The following PRDM1 variants were observed in gnomAD, a reference collection of about 807,000 sequenced individuals.
PRDM1 encodes PR/SET domain 1.
PRDM1 carries 13 observed loss-of-function variants against 62.8 expected under a neutral mutation model. The observed-to-expected ratio is 0.21, with a 90% CI of 0.13 to 0.33. The LOEUF (loss-of-function observed/expected upper bound fraction) is 0.33. PRDM1 is among the 10% of genes least tolerant of loss of function. The probability of loss-of-function intolerance (pLI) is 1.00; values close to 1 mark genes in which losing one functional copy is unlikely to be tolerated. For missense variants in PRDM1, 895 were observed against 1,058.8 expected (o/e 0.85, Z 2.15); for synonymous variants, 396 against 417.6 (o/e 0.95, Z 0.63).
intron 1 of PRDM1, among the ~76,000 whole-genome samples, chr6:106,067,124 A>G (rs1470204258): frequency 4.6e-5 from 7 of 152,220 alleles, no homozygotes; most frequent in Non-Finnish European, 1.0e-4. Flanking sequence ...CTCAGAGCCA[A>G]TTCTCTTCAC....
At chr6:106,022,292 A>G (rs951015564) in intron 1 of PRDM1, among the ~76,000 whole-genome samples, 2 of 152,154 alleles carry the variant, frequency 1.3e-5, no homozygotes, top group Non-Finnish European at 2.9e-5. Context: ...TTGCTTTGCC[A>G]CCTAGGCTGG....
chr6:106,056,255 C>G (rs1409149296), intron 1 of PRDM1, among the ~76,000 whole-genome samples: 2 of 152,002 alleles, frequency 1.3e-5, no homozygotes, highest in Non-Finnish European at 1.5e-5. Flanking sequence ...CCCTCAGCAG[C>G]GAAATGGGAG....
chr6:106,105,959 A>C, intron 5 of PRDM1, 26 bp downstream of exon 5: 1 of 1,589,820 alleles, frequency 6.3e-7, no homozygotes, highest in Non-Finnish European at 8.6e-7. Flanking sequence ...GAGCAGTCCA[A>C]GGGGCTGTGA....
intron 1 of PRDM1, among the ~76,000 whole-genome samples, chr6:106,000,346 G>A (rs1422631623): frequency 6.6e-6 from 1 of 152,178 alleles, no homozygotes; most frequent in African/African-American, 2.4e-5. Flanking sequence ...TGAGGCAGAG[G>A]CTGAGGTAGG....
chr6:106,080,523 T>C (rs531325563), intron 1 of PRDM1, among the ~76,000 whole-genome samples: 14 of 152,292 alleles, frequency 9.2e-5, no homozygotes. Context: ...GAAAAGATCC[T>C]GTAGGAAGTA....
chr6:106,095,308 G>A (rs1472986128), intron 2 of PRDM1, among the ~76,000 whole-genome samples: 1 of 152,120 alleles, frequency 6.6e-6, no homozygotes, highest in Non-Finnish European at 1.5e-5. Context: ...AAAAGAGAAT[G>A]GTTATATTCG....
chr6:106,029,146 C>G (rs1001453326), intron 1 of PRDM1, among the ~76,000 whole-genome samples: 1 of 152,166 alleles, frequency 6.6e-6, no homozygotes, highest in Non-Finnish European at 1.5e-5. Context: ...GTCTCAATCT[C>G]TTGACCTTGT....
chr6:106,087,428 T>C (rs986201174), intron 1 of PRDM1, among the ~76,000 whole-genome samples: 2 of 152,176 alleles, frequency 1.3e-5, no homozygotes, highest in African/African-American at 4.8e-5. Context: ...CGGTTTTATG[T>C]TTTGTTTTTG....
intron 1 of PRDM1, among the ~76,000 whole-genome samples, chr6:106,033,510 C>A (rs1277183224): frequency 6.6e-6 from 1 of 151,988 alleles, no homozygotes; most frequent in African/African-American, 2.4e-5. Flanking sequence ...GAGATGAGAT[C>A]TTGGTCTGTT....
At position 106,086,447 on chromosome 6, in the gene PRDM1, C is replaced by G. The variant is rs1773807581; in HGVS notation, c.-107C>G. On this transcript the variant is annotated 5_prime_UTR_variant, in exon 1 of 7. Coordinates refer to ENST00000369096, the MANE Select transcript of PRDM1 (RefSeq NM_001198.4). ...GCTGGGACGCGGGCGCCCGGGCGGC[C>G]GGACGAAGCGAGGAGGGACCGCCGA... The G allele has an allele frequency of 1.7e-6, 2 of 1,155,878 alleles. No individual in the cohort carries two copies. Among genetic ancestry groups the G allele is most frequent in the Admixed American group, 2.7e-5 (1 of 37,594 alleles). 71.6% of individuals were successfully genotyped at this position (1,155,878 alleles called of 1,614,324 possible). A position where few individuals can be genotyped will look rare whatever the true frequency, so the allele number is the denominator to read the frequency against.
chr6:106,048,724 G>A (rs558162278), intron 1 of PRDM1, among the ~76,000 whole-genome samples: 1 of 152,200 alleles, frequency 6.6e-6, no homozygotes, highest in South Asian at 2.1e-4. Flanking sequence ...GGTAGGGGAA[G>A]GCTTTTCTCT....
chr6:106,012,113 TCATACACACACACACAAACATAA>T (rs1772559415), intron 1 of PRDM1, among the ~76,000 whole-genome samples: 1 of 78,726 alleles, frequency 1.3e-5, no homozygotes, highest in Non-Finnish European at 2.4e-5. Flanking sequence ...CCCTCCACAT[TCATACACACACACACAAACATAA>T]CACACACACC....
chr6:106,043,749 G>C (rs192821411), upstream of PRDM1, among the ~76,000 whole-genome samples: 4 of 152,168 alleles, frequency 2.6e-5, no homozygotes, highest in South Asian at 8.3e-4. Flanking sequence ...GGTCAAGCTG[G>C]TCTCGAACTC....
At chr6:106,069,584 G>C (rs1329021936) in intron 1 of PRDM1, among the ~76,000 whole-genome samples, 3 of 152,206 alleles carry the variant, frequency 2.0e-5, no homozygotes, top group African/African-American at 7.2e-5. Flanking sequence ...ACTCTTCTAT[G>C]GTTTGGCAGC....
intron 1 of PRDM1, among the ~76,000 whole-genome samples, chr6:106,021,995 A>G (rs544055325): frequency 6.6e-6 from 1 of 152,212 alleles, no homozygotes; most frequent in Non-Finnish European, 1.5e-5. Flanking sequence ...AGAGAAAGTC[A>G]TTTTATGCTT....
upstream of PRDM1, among the ~76,000 whole-genome samples, chr6:106,082,520 T>C (rs1773709464): frequency 6.6e-6 from 1 of 152,218 alleles, no homozygotes; most frequent in South Asian, 2.1e-4. Context: ...ACTGTCTTTC[T>C]GAAGGGAGGG....
rs575902221 is a variant in PRDM1 at position 106,088,161 on chromosome 6, C to T, written c.43-40C>T. On this transcript the variant is annotated intron_variant, in intron 1 of 6. Transcript: ENST00000369096. Reference sequence around the variant, plus strand: ...CTCTCAGAAGGAGCCACAGGAACGGCGGGACAATGGGGATTAAAGGCCTTT... The same window carrying T: ...CTCTCAGAAGGAGCCACAGGAACGGTGGGACAATGGGGATTAAAGGCCTTT... 377 of 1,547,848 alleles carry T rather than the reference C, an allele frequency of 2.4e-4. 5 individuals carry two copies. In the South Asian group the frequency reaches 4.2e-3, roughly 17 times the overall value.
At chr6:106,094,414 C>T (rs796853435) in intron 2 of PRDM1, among the ~76,000 whole-genome samples, 16 of 152,234 alleles carry the variant, frequency 1.1e-4, no homozygotes, top group African/African-American at 3.9e-4. Context: ...TGAATAGTGA[C>T]GAATTGCTTC....
chr6:106,041,814 T>C (rs917748334), intron 1 of PRDM1, among the ~76,000 whole-genome samples: 1 of 149,620 alleles, frequency 6.7e-6, no homozygotes, highest in Non-Finnish European at 1.5e-5. Context: ...TCTTTCTTTT[T>C]TTTTTTTTTT....
Sources: allele counts gnomAD v4.1 joint callset (sites outside exome capture counted in the v4.1 genomes callset), GRCh38; gene constraint gnomAD v4.1.1; transcripts MANE v1.5; gene names NCBI Gene and HGNC (gene_info 2026-07-23, HGNC 2026-07-21).